EGF: variants seen among roughly 807,000 people sequenced by gnomAD.
EGF encodes epidermal growth factor.
EGF carries 95 observed loss-of-function variants against 143.8 expected under a neutral mutation model. The ratio of observed to expected loss-of-function variants is 0.66; its 90% CI spans 0.56 to 0.78. The LOEUF (loss-of-function observed/expected upper bound fraction) is 0.78. Ranked by LOEUF, EGF falls within the 30% of genes least tolerant of loss-of-function variation. EGF has a pLI of 0.00. For missense variants in EGF, 1,320 were observed against 1,470.9 expected (o/e 0.90, Z 1.68); for synonymous variants, 510 against 510.5 (o/e 1.00, Z 0.01).
rs370505636 is a variant in EGF at position 109,973,324 on chromosome 4, C to A, written c.1725-1379C>A. Among the ~76,000 whole-genome samples the A allele has an allele frequency of 2.4e-4, 36 of 152,258 alleles. No individual in the cohort carries two copies. In the East Asian group the frequency reaches 5.0e-3, roughly 21 times the overall value. On this transcript the variant is annotated intron_variant, in intron 11 of 23. Coordinates refer to ENST00000265171, the MANE Select transcript of EGF (RefSeq NM_001963.6). ...CTTTCTAAAGTGCAAGTATAACTGC[C>A]CCACATTCTTTAGGTCCTGTACTTT...
chr4:110,002,990 G>T (rs1752773590), intron 21 of EGF, among the ~76,000 whole-genome samples: 1 of 152,170 alleles, frequency 6.6e-6, no homozygotes, highest in Admixed American at 6.5e-5. Context: ...CAAAAGACAT[G>T]ATCTCATTCC....
chr4:109,947,209 G>C (rs1302814924), intron 5 of EGF, among the ~76,000 whole-genome samples: 1 of 151,976 alleles, frequency 6.6e-6, no homozygotes, highest in Non-Finnish European at 1.5e-5. Flanking sequence ...TTAAAAATTT[G>C]TTATAATCGT....
At position 109,940,284 on chromosome 4, in the gene EGF, T is replaced by C. The variant is rs41353547; in HGVS notation, c.128-662T>C. Among the ~76,000 whole-genome samples the C allele has an allele frequency of 8.2e-3, 1,249 of 152,298 alleles. 18 individuals carry two copies. The highest frequency in any genetic ancestry group is 0.029 in the African/African-American group (1,202 of 41,560). On this transcript the variant is annotated intron_variant, in intron 1 of 23. Transcript: ENST00000265171. The stretch of plus-strand genomic sequence containing the variant: ...TAAAAATGCAAAGTGCCCAGTCAAA[T>C]TTGAATTTCAGGTAAATAGAGAACA...
chr4:109,919,327 CTCTCTCTCTCTCTCA>C (rs1737339817), intron 1 of EGF, among the ~76,000 whole-genome samples: 1 of 143,978 alleles, frequency 6.9e-6, no homozygotes, highest in African/African-American at 2.7e-5. Context: ...CTCTCTCTCT[CTCTCTCTCTCTCTCA>C]TCTCTCTCTC....
Position 110,011,311 on chromosome 4 carries a change from A to C in EGF, c.3480A>C (p.Val1160=), listed in dbSNP as rs772063798. The change falls in exon 24 of 24, where the codon GTA becomes GTC. Residue 1160 remains valine (V), a synonymous_variant. Coordinates refer to ENST00000265171, the MANE Select transcript of EGF (RefSeq NM_001963.6). The stretch of plus-strand genomic sequence containing the variant: ...GTGATAAGGGCTCCTGTCCCCAGGT[A>C]ATGGAGCGAAGCTTTCATATGCCCT... ...VSSDKGSCPQ[V]MERSFHMPSY... 4 of 1,614,022 alleles carry C rather than the reference A, an allele frequency of 2.5e-6. No individual in the cohort carries two copies. Among genetic ancestry groups the C allele is most frequent in the Non-Finnish European group, 3.4e-6 (4 of 1,180,034 alleles).
At chr4:109,992,630 A>G (rs1751137890) in intron 18 of EGF, among the ~76,000 whole-genome samples, 1 of 152,176 alleles carries the variant, frequency 6.6e-6, no homozygotes, top group Admixed American at 6.5e-5. Context: ...TCATGCTTCT[A>G]TAAAGACACA....
chr4:110,011,198 A>G lies in EGF; in HGVS notation c.3371-4A>G, dbSNP rs41468451. ...TATTGAAATTTCTTTTGTCTTTCATATAGGGTCAATGCAACCAACTTCATG... is the reference window on the plus strand; with the variant it reads ...TATTGAAATTTCTTTTGTCTTTCATGTAGGGTCAATGCAACCAACTTCATG... On this transcript the variant is annotated splice_region_variant and splice_polypyrimidine_tract_variant and intron_variant, in intron 23 of 23. Transcript: ENST00000265171. 2,781 of 1,613,910 alleles carry G rather than the reference A, an allele frequency of 1.7e-3. 5 individuals carry two copies. Among genetic ancestry groups the G allele is most frequent in the Non-Finnish European group, 1.9e-3 (2,238 of 1,180,014 alleles).
intron 1 of EGF, among the ~76,000 whole-genome samples, chr4:109,931,391 G>A (rs1384195861): frequency 6.6e-6 from 1 of 152,072 alleles, no homozygotes; most frequent in African/African-American, 2.4e-5. Context: ...GTGCTTTGAG[G>A]GAATGGAATT....
chr4:109,997,136 A>T (rs1751907577), intron 20 of EGF, among the ~76,000 whole-genome samples: 3 of 152,038 alleles, frequency 2.0e-5, no homozygotes, highest in Admixed American at 2.0e-4. Context: ...TGGGTCAGGG[A>T]TGAAATCACA....
In EGF at chr4:109,999,812, C is replaced by T; in HGVS notation, c.3139C>T (p.Leu1047Phe). 1 of 1,613,814 alleles carries T rather than the reference C, an allele frequency of 6.2e-7. No homozygotes were observed. Among genetic ancestry groups the T allele is most frequent in the South Asian group, 1.1e-5 (1 of 91,046 alleles). The stretch of plus-strand genomic sequence containing the variant: ...CTGCGTGGTGGTGCTTGTCATGCTG[C>T]TCCTCCTGAGCCTGTGGGGGGCCCA... ...AVCVVVLVMLLLLSLWGAHYY... is the reference protein window; with the variant it reads ...AVCVVVLVMLFLLSLWGAHYY... The change falls in exon 21 of 24, where the codon CTC becomes TTC. Residue 1047 changes from leucine (L) to phenylalanine (F), a missense_variant. Physicochemically the swap from Leu to Phe is conservative, Grantham distance 22. Transcript: ENST00000265171.
intron 5 of EGF, among the ~76,000 whole-genome samples, chr4:109,958,222 T>C (rs1745112677): frequency 6.6e-6 from 1 of 152,248 alleles, no homozygotes; most frequent in Non-Finnish European, 1.5e-5. Flanking sequence ...GAATTCAACA[T>C]AGTGCTTGGC....
rs1048695848 is a variant in EGF at position 109,986,959 on chromosome 4, T to C, written c.2492-785T>C. Among the ~76,000 whole-genome samples, 9 of 152,356 alleles carry C rather than the reference T, an allele frequency of 5.9e-5. No homozygotes were observed. The South Asian group carries it at 1.7e-3, about 28-fold the overall frequency. On this transcript the variant is annotated intron_variant, in intron 16 of 23. Coordinates refer to ENST00000265171, the MANE Select transcript of EGF (RefSeq NM_001963.6). Reference sequence around the variant, plus strand: ...TGTGACATACATATTCTATTATATATGATATTAGTAAATTGTCAGTAAATC... The same window carrying C: ...TGTGACATACATATTCTATTATATACGATATTAGTAAATTGTCAGTAAATC...
chr4:109,961,785 C>A, intron 7 of EGF, 78 bp from the exon 8 acceptor site: 1 of 1,582,570 alleles, frequency 6.3e-7, no homozygotes, highest in Non-Finnish European at 8.6e-7. Flanking sequence ...GATCACCTGG[C>A]AATATTAGCA....
At chr4:109,954,656 A>G (rs1179223912) in intron 5 of EGF, among the ~76,000 whole-genome samples, 1 of 152,238 alleles carries the variant, frequency 6.6e-6, no homozygotes, top group Non-Finnish European at 1.5e-5. Context: ...AAGCAAAAAT[A>G]TAGCCACGTT....
intron 23 of EGF, among the ~76,000 whole-genome samples, chr4:110,010,705 C>G (rs556066679): frequency 6.6e-6 from 1 of 152,162 alleles, no homozygotes; most frequent in African/African-American, 2.4e-5. Flanking sequence ...CCCACTTCAG[C>G]CTCTCAAAGT....
In EGF at chr4:109,959,446, TG is replaced by T; in HGVS notation, c.1066+11del. On this transcript the variant is annotated intron_variant, in intron 6 of 23. Coordinates refer to ENST00000265171, the MANE Select transcript of EGF (RefSeq NM_001963.6). ...CCGGAAGTACTGTGAAGGTAATGAC[TG>T]GAAGTACTGTGAAGGTAATGGAAGA... is the stretch of plus-strand genomic sequence containing the variant. 1 of 1,613,668 alleles carries T rather than the reference TG, an allele frequency of 6.2e-7. No homozygotes were observed. Among genetic ancestry groups the T allele is most frequent in the South Asian group, 1.1e-5 (1 of 91,068 alleles).
chr4:109,973,123 C>G (rs1205919995), intron 11 of EGF, among the ~76,000 whole-genome samples: 2 of 152,182 alleles, frequency 1.3e-5, no homozygotes, highest in Admixed American at 1.3e-4. Flanking sequence ...TGTGGTCCCA[C>G]CTGCTGCAAG....
chr4:110,004,450 G>A, intron 21 of EGF, 55 bp from the exon 22 acceptor site: 1 of 1,469,400 alleles, frequency 6.8e-7, no homozygotes. Context: ...ATCACTGAGT[G>A]GGCTGAGTAT....
chr4:109,983,269 A>G (rs1477451001), intron 15 of EGF, among the ~76,000 whole-genome samples, 153 bp from the exon 16 acceptor site: 2 of 152,180 alleles, frequency 1.3e-5, no homozygotes. Context: ...AGGTTTACTA[A>G]GTTACCAAGA....
Sources: allele counts gnomAD v4.1 joint callset (sites outside exome capture counted in the v4.1 genomes callset), GRCh38; gene constraint gnomAD v4.1.1; transcripts MANE v1.5; gene names NCBI Gene and HGNC (gene_info 2026-07-23, HGNC 2026-07-21).